ALDH2: variants seen among roughly 807,000 people sequenced by gnomAD.
ALDH2 encodes aldehyde dehydrogenase 2 family member, also known as aldehyde dehydrogenase, mitochondrial.
ALDH2 carries 44 observed loss-of-function variants against 59.6 expected under a neutral mutation model. That is an observed-to-expected ratio of 0.74 (90% confidence interval 0.58 to 0.95). The LOEUF is 0.95. Ranked by LOEUF, ALDH2 falls within the 40% of genes least tolerant of loss-of-function variation. The pLI, the probability that ALDH2 is intolerant of heterozygous loss-of-function variation, is 0.00. For missense variants in ALDH2, 570 were observed against 696.3 expected (o/e 0.82, Z 2.04); for synonymous variants, 291 against 284.0 (o/e 1.02, Z -0.25).
chr12:111,817,262 A>G lies in ALDH2; in HGVS notation c.*7687A>G, dbSNP rs1039886942. ...CAAAAATTATCATGCCTAAGGCTCT[A>G]TGGGCACAATGAGTAAGTTGAGTTA... On this transcript the variant is annotated 3_prime_UTR_variant, in exon 13 of 13. Transcript: ENST00000261733. The G allele has an allele frequency of 6.6e-6, 1 of 152,232 alleles. No individual in the cohort carries two copies. Among genetic ancestry groups the G allele is most frequent in the African/African-American group, 2.4e-5 (1 of 41,464 alleles). 9.4% of individuals were successfully genotyped at this position (152,232 alleles called of 1,614,324 possible). A position where few individuals can be genotyped will look rare whatever the true frequency, so the allele number is the denominator to read the frequency against.
chr12:111,801,736 G>C (rs543527126), intron 11 of ALDH2, among the ~76,000 whole-genome samples: 1 of 151,756 alleles, frequency 6.6e-6, no homozygotes, highest in South Asian at 2.1e-4. Context: ...GCCACATGCT[G>C]TGTGATTCCA....
chr12:111,799,726 C>T, intron 10 of ALDH2, 180 bp from the exon 11 acceptor site: 1 of 665,874 alleles, frequency 1.5e-6, no homozygotes, highest in South Asian at 2.9e-5. Flanking sequence ...AAGTTGGCCC[C>T]TGTTAGCTCC....
rs1046094374 is a variant in ALDH2 at position 111,813,088 on chromosome 12, C to G, written c.*3513C>G. The G allele has an allele frequency of 1.8e-4, 28 of 152,172 alleles. No homozygotes were observed. The highest frequency in any genetic ancestry group is 1.8e-3 in the Admixed American group (28 of 15,262). The allele number at this position is 152,172 out of a possible 1,614,324, so 9.4% of individuals were successfully genotyped here. ...ACCTAGACACATTAATCTCCTTGCA[C>G]TTTTAGTGACAGGAACCCATTAGAA... is the stretch of plus-strand genomic sequence containing the variant. On this transcript the variant is annotated 3_prime_UTR_variant, in exon 13 of 13. Transcript: ENST00000261733.
intron 9 of ALDH2, 109 bp from the exon 10 acceptor site, chr12:111,797,969 G>T: frequency 1.5e-6 from 2 of 1,326,146 alleles, no homozygotes; most frequent in South Asian, 1.3e-5. Flanking sequence ...GCTTTCTTAT[G>T]ACCTTGGTCC....
Position 111,809,609 on chromosome 12 carries a change from G to A in ALDH2, c.*34G>A. On this transcript the variant is annotated 3_prime_UTR_variant, in exon 13 of 13. Coordinates refer to ENST00000261733, the MANE Select transcript of ALDH2 (RefSeq NM_000690.4). The stretch of plus-strand genomic sequence containing the variant: ...CAAGCTTCCTCCCTCAGCCATTGAT[G>A]GAAAGTTCAGCAAGATCAGCAACAA... The A allele has an allele frequency of 6.2e-7, 1 of 1,612,760 alleles. No individual in the cohort carries two copies. The highest frequency in any genetic ancestry group is 1.3e-5 in the African/African-American group (1 of 74,986).
chr12:111,791,487 CATGCTCAAGGTG>C (rs2068359094), intron 7 of ALDH2, 68 bp downstream of exon 7: 7 of 1,243,872 alleles, frequency 5.6e-6, no homozygotes, highest in African/African-American at 1.5e-5. Context: ...CAGTGGACGA[CATGCTCAAGGTG>C]AGCTCCCGGG....
At chr12:111,796,986 C>T (rs114352406) in intron 9 of ALDH2, among the ~76,000 whole-genome samples, 4,189 of 144,824 alleles carry the variant, frequency 0.029, 220 homozygotes, top group African/African-American at 0.1. Flanking sequence ...TTTTTTGAGA[C>T]GAAGTCTCTG....
At chr12:111,784,624 A>G (rs143866724) in intron 3 of ALDH2, among the ~76,000 whole-genome samples, 22 of 151,890 alleles carry the variant, frequency 1.4e-4, no homozygotes, top group African/African-American at 5.3e-4. Flanking sequence ...TATTATTATT[A>G]TTATTTTTTG....
At chr12:111,767,478 C>G (rs1228285225) in intron 1 of ALDH2, among the ~76,000 whole-genome samples, 1 of 152,208 alleles carries the variant, frequency 6.6e-6, no homozygotes, top group Non-Finnish European at 1.5e-5. Context: ...CCTGTCTTTT[C>G]CTTAGTCATC....
chr12:111,790,383 G>A, intron 5 of ALDH2, 51 bp from the exon 6 acceptor site: 4 of 1,612,698 alleles, frequency 2.5e-6, no homozygotes, highest in Non-Finnish European at 3.4e-6. Flanking sequence ...GCTACCCAGT[G>A]TAGTTCTCTG....
chr12:111,787,827 C>T (rs1280927516), intron 4 of ALDH2, among the ~76,000 whole-genome samples: 1 of 151,852 alleles, frequency 6.6e-6, no homozygotes, highest in African/African-American at 2.4e-5. Flanking sequence ...GTCAGGAAAT[C>T]GAGACCATCC....
rs1438842639 is a variant in ALDH2, at chr12:111,816,412, T to A, written c.*6837T>A. The A allele has an allele frequency of 6.6e-6, 1 of 152,190 alleles. No homozygotes were observed. Among genetic ancestry groups the A allele is most frequent in the Non-Finnish European group, 1.5e-5 (1 of 68,024 alleles). The allele number at this position is 152,190 out of a possible 1,614,324, so 9.4% of individuals were successfully genotyped here. On this transcript the variant is annotated 3_prime_UTR_variant, in exon 13 of 13. Coordinates refer to ENST00000261733, the MANE Select transcript of ALDH2 (RefSeq NM_000690.4). Reference sequence around the variant, plus strand: ...TTCTTTGAACAGTAGGCTCTAGATGTCTCAGTAGATAACCTCAAAGAGCAT... The same window carrying A: ...TTCTTTGAACAGTAGGCTCTAGATGACTCAGTAGATAACCTCAAAGAGCAT...
At chr12:111,768,841 A>G (rs2068177950) in intron 1 of ALDH2, among the ~76,000 whole-genome samples, 1 of 151,818 alleles carries the variant, frequency 6.6e-6, no homozygotes, top group African/African-American at 2.4e-5. Context: ...TAAATTAGTC[A>G]GGTGCGGTGG....
chr12:111,774,160 T>C (rs2068219872), intron 1 of ALDH2, among the ~76,000 whole-genome samples: 1 of 151,900 alleles, frequency 6.6e-6, no homozygotes, highest in Non-Finnish European at 1.5e-5. Context: ...AAAAAGGCCC[T>C]GGGGTGGGGG....
rs1369810463 is a variant in ALDH2 at position 111,770,788 on chromosome 12, G to A, written c.114+3692G>A. ...GCCTCCTGAGTAGCTAGGATTACAG[G>A]TGCCCACCACCACGCCTGGCTAATT... On this transcript the variant is annotated intron_variant, in intron 1 of 12. Coordinates refer to ENST00000261733, the MANE Select transcript of ALDH2 (RefSeq NM_000690.4). 4.6e-5 allele frequency among the ~76,000 whole-genome samples: 7 copies of A among 152,136 alleles called. No homozygotes were observed. The East Asian group carries it at 1.2e-3, about 25-fold the overall frequency.
chr12:111,791,991 T>G (rs555930050), intron 7 of ALDH2, 70 bp from the exon 8 acceptor site: 20 of 950,522 alleles, frequency 2.1e-5, no homozygotes, highest in Non-Finnish European at 3.4e-5. Flanking sequence ...GACTCTGTTC[T>G]GTGTCTATAG....
At chr12:111,807,131 C>T (rs1390270148) in intron 12 of ALDH2, among the ~76,000 whole-genome samples, 2 of 152,018 alleles carry the variant, frequency 1.3e-5, no homozygotes, top group African/African-American at 2.4e-5. Context: ...GGCGTGGTGG[C>T]GAGTGCCTGT....
intron 11 of ALDH2, 102 bp from the exon 12 acceptor site, chr12:111,803,756 TA>T: frequency 6.7e-6 from 5 of 748,486 alleles, no homozygotes; most frequent in Non-Finnish European, 7.5e-6. Context: ...AATTTTTTTT[TA>T]AGTTAAAAAT....
At chr12:111,782,650 C>G (rs2068280557) in intron 2 of ALDH2, among the ~76,000 whole-genome samples, 1 of 152,086 alleles carries the variant, frequency 6.6e-6, no homozygotes, top group Admixed American at 6.6e-5. Context: ...TTTGGGAGGC[C>G]AAGGTGGGCA....
Sources: allele counts gnomAD v4.1 joint callset (sites outside exome capture counted in the v4.1 genomes callset), GRCh38; gene constraint gnomAD v4.1.1; transcripts MANE v1.5; gene names NCBI Gene and HGNC (gene_info 2026-07-23, HGNC 2026-07-21).